Variants in SLC29A4 observed in about 807,000 individuals in gnomAD.
The protein encoded by SLC29A4 is equilibrative nucleoside transporter 4.
In SLC29A4, 36 loss-of-function variants were observed where a neutral mutation model predicts 43.9. The ratio of observed to expected loss-of-function variants is 0.82; its 90% confidence interval spans 0.63 to 1.08. The LOEUF is 1.08. SLC29A4 is among the 50% of genes least tolerant of loss of function. The probability of loss-of-function intolerance (pLI) is 0.00; values close to 1 mark genes in which losing one functional copy is unlikely to be tolerated. For missense variants in SLC29A4, 869 were observed against 755.3 expected, an observed-to-expected ratio of 1.15 and a Z score of -1.77; for synonymous variants, 491 against 338.0, an observed-to-expected ratio of 1.45 and a Z score of -4.97.
At chr7:5,291,919 G>A in intron 5 of SLC29A4, 98 bp downstream of exon 5, 1 of 1,500,592 alleles carries the variant, frequency 6.7e-7, no homozygotes, top group South Asian at 1.3e-5. Flanking sequence ...GACATGATGG[G>A]AACCGGGCTG....
chr7:5,301,724 C>T (rs528061084), intron 10 of SLC29A4, among the ~76,000 whole-genome samples: 1 of 152,122 alleles, frequency 6.6e-6, no homozygotes, highest in Non-Finnish European at 1.5e-5. Context: ...GGACGGCAGC[C>T]CACAGGACCG....
chr7:5,296,797 G>A lies in SLC29A4; in HGVS notation c.620-139G>A, dbSNP rs1338103956. ...GGCAGGGCCTGTGGTGGAGGGCGGG[G>A]CCTGTGGGTGGGGGCAGGGCCTGTG... is the stretch of plus-strand genomic sequence containing the variant. On this transcript the variant is annotated intron_variant, in intron 6 of 10. Transcript: ENST00000396872. 18 of 959,098 alleles carry A rather than the reference G, an allele frequency of 1.9e-5. No homozygotes were observed. The African/African-American group carries it at 2.7e-4, about 14-fold the overall frequency. 59.4% of individuals were successfully genotyped at this position (959,098 alleles called of 1,614,324 possible).
At position 5,297,071 on chromosome 7, in the gene SLC29A4, T is replaced by A. The variant is rs1182969523; in HGVS notation, c.755T>A (p.Val252Glu). Residue 252 changes from valine (V) to glutamate (E), a missense_variant, in exon 7 of 11, where the codon GTG (valine) becomes GAG (glutamate). Val to Glu is a moderately radical substitution (Grantham distance 121, BLOSUM62 -2). Coordinates refer to ENST00000396872, the MANE Select transcript of SLC29A4 (RefSeq NM_153247.4). ...ELLCFLLHLLVRRSRFVLFYT... is the reference protein window; with the variant it reads ...ELLCFLLHLLERRSRFVLFYT... ...CTGTGTTTCCTGCTGCACCTGTTAG[T>A]GCGGCGCAGCCGCTTCGTGCTCTTC... is the stretch of plus-strand genomic sequence containing the variant. The A allele has an allele frequency of 6.2e-7, 1 of 1,607,916 alleles. No homozygotes were observed. The highest frequency in any genetic ancestry group is 1.1e-5 in the South Asian group (1 of 91,024).
intron 10 of SLC29A4, 54 bp downstream of exon 10, chr7:5,300,716 C>T (rs1410307440): frequency 4.4e-6 from 7 of 1,580,416 alleles, no homozygotes; most frequent in African/African-American, 1.4e-5. Context: ...CGCAATGCCC[C>T]CCTCGCGAGG....
At chr7:5,291,930 G>C in intron 5 of SLC29A4, 109 bp downstream of exon 5, 1 of 1,469,510 alleles carries the variant, frequency 6.8e-7, no homozygotes, top group Non-Finnish European at 9.1e-7. Context: ...AACCGGGCTG[G>C]CTGGGTGCCA....
At chr7:5,286,166 C>G (rs549411621) in intron 1 of SLC29A4, among the ~76,000 whole-genome samples, 8 of 152,108 alleles carry the variant, frequency 5.3e-5, no homozygotes, top group Non-Finnish European at 1.2e-4. Flanking sequence ...TCTCTGTTAG[C>G]CTCAAACTCC....
intron 9 of SLC29A4, among the ~76,000 whole-genome samples, 188 bp downstream of exon 9, chr7:5,299,615 TG>T (rs1053020848): frequency 6.6e-6 from 1 of 152,150 alleles, no homozygotes; most frequent in Non-Finnish European, 1.5e-5. Flanking sequence ...CTGATCCCAC[TG>T]GGGCGCTCCG....
chr7:5,301,588 C>T (rs1265296726), intron 10 of SLC29A4, among the ~76,000 whole-genome samples: 1 of 152,184 alleles, frequency 6.6e-6, no homozygotes, highest in Admixed American at 6.6e-5. Flanking sequence ...TAAAGCATCC[C>T]TCCAGCTGCC....
chr7:5,288,006 G>A, intron 2 of SLC29A4, 21 bp downstream of exon 2: 1 of 1,593,444 alleles, frequency 6.3e-7, no homozygotes, highest in South Asian at 1.1e-5. Context: ...GTGCGGGCAA[G>A]GTGCGGGTCT....
At chr7:5,297,601 C>T (rs1423466849) in intron 7 of SLC29A4, among the ~76,000 whole-genome samples, 2 of 152,236 alleles carry the variant, frequency 1.3e-5, no homozygotes, top group Non-Finnish European at 2.9e-5. Context: ...GGAGAGTCCT[C>T]CTGCAGGCTC....
chr7:5,301,083 A>C (rs1786127635), intron 10 of SLC29A4, among the ~76,000 whole-genome samples: 1 of 152,066 alleles, frequency 6.6e-6, no homozygotes, highest in African/African-American at 2.4e-5. Flanking sequence ...ACACAGTGAG[A>C]GCCTCTCCTC....
intron 10 of SLC29A4, among the ~76,000 whole-genome samples, chr7:5,301,257 C>T (rs1786139353): frequency 2.0e-5 from 2 of 99,196 alleles, no homozygotes; most frequent in African/African-American, 3.8e-5. Flanking sequence ...AAGATCCTGT[C>T]TGGGGAAAAA....
At chr7:5,290,285 G>C (rs533703566) in intron 2 of SLC29A4, among the ~76,000 whole-genome samples, 1 of 152,218 alleles carries the variant, frequency 6.6e-6, no homozygotes, top group Middle Eastern at 3.4e-3. Flanking sequence ...GGATAGTCTC[G>C]ATCTCCTGAC....
chr7:5,296,849 G>A (rs1785709852), intron 6 of SLC29A4, 87 bp from the exon 7 acceptor site: 15 of 1,366,716 alleles, frequency 1.1e-5, no homozygotes, highest in Non-Finnish European at 1.3e-5. Context: ...GTGGGGAGGG[G>A]TCTGTGTGTG....
intron 10 of SLC29A4, 150 bp downstream of exon 10, chr7:5,300,812 A>G (rs1583682371): frequency 1.8e-6 from 2 of 1,095,442 alleles, no homozygotes; most frequent in Non-Finnish European, 2.5e-6. Flanking sequence ...GTGTGGGGAC[A>G]TTCTCAGCCA....
intron 1 of SLC29A4, among the ~76,000 whole-genome samples, chr7:5,286,672 C>G (rs1385415093): frequency 6.6e-6 from 1 of 152,146 alleles, no homozygotes; most frequent in East Asian, 1.9e-4. Flanking sequence ...GCTGGCAGAT[C>G]CAAATTGAAG....
At chr7:5,295,157 G>A (rs578027253) in intron 6 of SLC29A4, among the ~76,000 whole-genome samples, 1 of 152,286 alleles carries the variant, frequency 6.6e-6, no homozygotes, top group East Asian at 1.9e-4. Context: ...ACACATGTGT[G>A]TGCTGTGTTT....
Position 5,291,252 on chromosome 7 carries a change from G to A in SLC29A4, c.415+15G>A, listed in dbSNP as rs1221592825. 9.3e-6 allele frequency: 15 copies of A among 1,605,630 alleles called. No homozygotes were observed. The highest frequency in any genetic ancestry group is 4.5e-5 in the East Asian group (2 of 44,722). ...GATCACCGCAGGTGCGCTGGGCCCC[G>A]CCACGGGACACCTGCCTGTCATGGC... On this transcript the variant is annotated intron_variant, in intron 4 of 10. Coordinates refer to ENST00000396872, the MANE Select transcript of SLC29A4 (RefSeq NM_153247.4).
At chr7:5,292,678 G>C (rs919382315) in intron 5 of SLC29A4, among the ~76,000 whole-genome samples, 1 of 108,726 alleles carries the variant, frequency 9.2e-6, no homozygotes, top group Non-Finnish European at 1.9e-5. Flanking sequence ...TACCAGCCAA[G>C]ACATTTTTTT....
Sources: allele counts gnomAD v4.1 joint callset (sites outside exome capture counted in the v4.1 genomes callset), GRCh38; gene constraint gnomAD v4.1.1; transcripts MANE v1.5; gene names NCBI Gene and HGNC (gene_info 2026-07-23, HGNC 2026-07-21).